Variants in PRDM1 observed in about 807,000 individuals in gnomAD.
PRDM1 encodes the protein PR/SET domain 1.
Under a neutral mutation model 62.8 loss-of-function variants are expected in PRDM1, and 13 were observed. That is an observed-to-expected ratio of 0.21 (90% CI 0.13 to 0.33). The LOEUF (loss-of-function observed/expected upper bound fraction) is 0.33, where lower values mean the gene tolerates loss of function less well. Ranked by LOEUF, PRDM1 falls within the 10% of genes least tolerant of loss-of-function variation. The pLI is 1.00. For missense variants in PRDM1, 895 were observed against 1,058.8 expected, an observed-to-expected ratio of 0.85 and a Z score of 2.15; for synonymous variants, 396 against 417.6, an observed-to-expected ratio of 0.95 and a Z score of 0.63.
chr6:106,036,416 A>G (rs1281647486), intron 1 of PRDM1, among the ~76,000 whole-genome samples: 1 of 152,142 alleles, frequency 6.6e-6, no homozygotes, highest in East Asian at 1.9e-4. Flanking sequence ...ATTTATTTGT[A>G]TATTCCGTAA....
At chr6:106,021,193 T>G (rs1226765194) in intron 1 of PRDM1, among the ~76,000 whole-genome samples, 1 of 152,246 alleles carries the variant, frequency 6.6e-6, no homozygotes, top group Non-Finnish European at 1.5e-5. Flanking sequence ...ACTTCAGGCT[T>G]ACTGACATCA....
At chr6:106,052,999 A>T (rs1773204357) in intron 1 of PRDM1, among the ~76,000 whole-genome samples, 1 of 152,114 alleles carries the variant, frequency 6.6e-6, no homozygotes. Flanking sequence ...TATTTAGAGG[A>T]AATTAAAACC....
chr6:106,036,729 G>C (rs1402014767), intron 1 of PRDM1, among the ~76,000 whole-genome samples: 2 of 152,140 alleles, frequency 1.3e-5, no homozygotes, highest in East Asian at 3.9e-4. Flanking sequence ...GGAGGCTGAG[G>C]CGGGCAGATC....
chr6:106,040,655 A>G (rs1772980110), intron 1 of PRDM1, among the ~76,000 whole-genome samples: 2 of 152,198 alleles, frequency 1.3e-5, no homozygotes, highest in African/African-American at 4.8e-5. Context: ...AAGGTTGTCT[A>G]TTTCTTGTTT....
At chr6:106,095,583 A>C (rs1774090961) in intron 2 of PRDM1, 32 bp from the exon 3 acceptor site, 10 of 1,607,596 alleles carry the variant, frequency 6.2e-6, no homozygotes, top group African/African-American at 2.7e-5. Context: ...TTATAGTCAA[A>C]GTAATTGTTT....
intron 3 of PRDM1, chr6:106,098,729 T>C: frequency 7.1e-7 from 1 of 1,412,750 alleles, no homozygotes; most frequent in East Asian, 3.4e-5. Context: ...AAGGCAAGGT[T>C]CCAAGTATTC....
chr6:106,077,756 A>G (rs1160730685), intron 1 of PRDM1, among the ~76,000 whole-genome samples: 2 of 152,260 alleles, frequency 1.3e-5, no homozygotes, highest in Non-Finnish European at 2.9e-5. Flanking sequence ...TCATCACTGG[A>G]GAAACCTTTT....
intron 2 of PRDM1, among the ~76,000 whole-genome samples, chr6:106,091,678 G>T (rs996126127): frequency 1.3e-5 from 2 of 152,152 alleles, no homozygotes; most frequent in Non-Finnish European, 2.9e-5. Flanking sequence ...TACCTGAGAG[G>T]CTGAGGTAGG....
At chr6:106,100,986 C>T (rs1336318753) in intron 4 of PRDM1, among the ~76,000 whole-genome samples, 2 of 152,026 alleles carry the variant, frequency 1.3e-5, no homozygotes, top group Non-Finnish European at 2.9e-5. Flanking sequence ...GCTGAGCCTC[C>T]CAGGAACCAT....
At position 106,033,385 on chromosome 6, in the gene PRDM1, TC is replaced by T. The variant is rs879523999; in HGVS notation, c.-67+39747del. Among the ~76,000 whole-genome samples the T allele has an allele frequency of 3.3e-4, 50 of 152,070 alleles. 1 individual carries two copies. Among genetic ancestry groups the T allele is most frequent in the Admixed American group, 3.3e-3 (50 of 15,264 alleles). ...CCAGGCTTGTCTCGAACTCCTGACTTCAAGCGATCCTCCTGCCTTGACATCC... is the reference window on the plus strand; with the variant it reads ...CCAGGCTTGTCTCGAACTCCTGACTTAAGCGATCCTCCTGCCTTGACATCC... On this transcript the variant is annotated intron_variant, in intron 1 of 6. Transcript: ENST00000652320.
At chr6:106,001,189 G>C (rs905813870) in intron 1 of PRDM1, among the ~76,000 whole-genome samples, 31 of 152,146 alleles carry the variant, frequency 2.0e-4, no homozygotes, top group African/African-American at 7.5e-4. Context: ...GCTGTGAATT[G>C]CTTGTTCTTA....
At position 106,037,117 on chromosome 6, in the gene PRDM1, A is replaced by G. The variant is rs559559372; in HGVS notation, c.-67+43478A>G. On this transcript the variant is annotated intron_variant, in intron 1 of 6. Transcript: ENST00000652320. ...ACTTTTGTTCATCTGGGAATGTCTT[A>G]ATTTCCCCTCACTTTTGAAGGATAG... Among the ~76,000 whole-genome samples, 5 of 152,230 alleles carry G rather than the reference A, an allele frequency of 3.3e-5. No individual in the cohort carries two copies. The South Asian group carries it at 1.0e-3, about 32-fold the overall frequency.
At chr6:106,076,926 G>T (rs1773613519) in intron 1 of PRDM1, among the ~76,000 whole-genome samples, 1 of 152,230 alleles carries the variant, frequency 6.6e-6, no homozygotes, top group Non-Finnish European at 1.5e-5. Context: ...GAAGTCCAGT[G>T]CCAGGAGTGC....
At position 105,994,856 on chromosome 6, in the gene PRDM1, G is replaced by C. The variant is rs556527045; in HGVS notation, c.-67+1217G>C. ...TCCAGTCCCGCCGCGTCGGGAATGC[G>C]AGCCCGGCCACGCGGTCCGACCGGG... On this transcript the variant is annotated intron_variant, in intron 1 of 6. Coordinates refer to the PRDM1 transcript ENST00000652320. The surrounding 1 kb of genome is among the most constrained non-coding windows in gnomAD (Gnocchi z 4.1). Among the ~76,000 whole-genome samples the C allele has an allele frequency of 6.6e-6, 1 of 152,330 alleles. No homozygotes were observed. Among genetic ancestry groups the C allele is most frequent in the Non-Finnish European group, 1.5e-5 (1 of 68,020 alleles).
At chr6:106,010,208 CT>C (rs1772529721) in intron 1 of PRDM1, among the ~76,000 whole-genome samples, 1 of 152,184 alleles carries the variant, frequency 6.6e-6, no homozygotes, top group Non-Finnish European at 1.5e-5. Flanking sequence ...ACCCAAGAGT[CT>C]GACAGGCACT....
intron 4 of PRDM1, among the ~76,000 whole-genome samples, chr6:106,102,571 C>T (rs567386538): frequency 1.3e-5 from 2 of 152,136 alleles, no homozygotes; most frequent in East Asian, 3.9e-4. Context: ...TTTTGTTGGC[C>T]CAATCATAAG....
At chr6:106,063,412 C>T (rs1459105899) in intron 1 of PRDM1, among the ~76,000 whole-genome samples, 1 of 152,058 alleles carries the variant, frequency 6.6e-6, no homozygotes, top group Non-Finnish European at 1.5e-5. Context: ...AAAGCAAAAA[C>T]GTGAATTGCT....
chr6:106,025,976 T>C (rs1772758428), intron 1 of PRDM1, among the ~76,000 whole-genome samples: 1 of 152,242 alleles, frequency 6.6e-6, no homozygotes, highest in Admixed American at 6.5e-5. Flanking sequence ...CATTTCTCTT[T>C]TCCTTTCTTT....
intron 1 of PRDM1, among the ~76,000 whole-genome samples, chr6:106,071,132 C>T (rs1773509071): frequency 6.6e-6 from 1 of 151,962 alleles, no homozygotes; most frequent in Non-Finnish European, 1.5e-5. Flanking sequence ...ATTAGCCAGG[C>T]GTGGTGGTGG....
Sources: gnomAD v4.1 joint callset for allele counts (sites outside exome capture counted in the v4.1 genomes callset) on GRCh38, gnomAD v4.1.1 for gene constraint, Gnocchi (gnomAD v3.1) non-coding constraint, MANE v1.5 for transcripts, NCBI Gene and HGNC (gene_info 2026-07-23, HGNC 2026-07-21) for gene names.